The following RASA1 variants were observed in gnomAD, a reference collection of about 807,000 sequenced individuals.
RASA1 encodes RAS p21 protein activator 1, also known as ras GTPase-activating protein 1.
Under a neutral mutation model 132.2 loss-of-function variants are expected in RASA1, and 25 were observed. The ratio of observed to expected loss-of-function variants is 0.19; its 90% CI spans 0.14 to 0.26. The LOEUF is 0.26. Ranked by LOEUF, RASA1 falls within the 10% of genes least tolerant of loss-of-function variation. The pLI is 1.00. For synonymous variants in RASA1, 477 were observed against 449.9 expected (o/e 1.06, Z -0.76); for missense variants, 964 against 1,299.2 (o/e 0.74, Z 3.97).
chr5:87,293,413 A>G lies in RASA1; in HGVS notation c.539+24423A>G, dbSNP rs544492117. 4.6e-5 allele frequency among the ~76,000 whole-genome samples: 7 copies of G among 152,272 alleles called. No individual in the cohort carries two copies. In the South Asian group the frequency reaches 1.5e-3, roughly 32 times the overall value. On this transcript the variant is annotated intron_variant, in intron 1 of 24. Coordinates refer to ENST00000274376, the MANE Select transcript of RASA1 (RefSeq NM_002890.3). ...GACGTGATTGATTACATTGATTTTT[A>G]AAAATGTTGAGCCAGTCTTGGTAAA... is the stretch of plus-strand genomic sequence containing the variant.
intron 1 of RASA1, among the ~76,000 whole-genome samples, chr5:87,298,016 A>G (rs1323659027): frequency 1.5e-4 from 23 of 151,982 alleles, no homozygotes; most frequent in Admixed American, 1.5e-3. Flanking sequence ...CTGTGACCTC[A>G]CTTCTCTGAA....
intron 1 of RASA1, among the ~76,000 whole-genome samples, chr5:87,284,581 T>C (rs1754461313): frequency 6.6e-6 from 1 of 152,250 alleles, no homozygotes; most frequent in Non-Finnish European, 1.5e-5. Context: ...GACACTGCAA[T>C]GCTTTATTGC....
chr5:87,315,824 C>G (rs1447681644), intron 1 of RASA1, among the ~76,000 whole-genome samples: 1 of 152,034 alleles, frequency 6.6e-6, no homozygotes, highest in Non-Finnish European at 1.5e-5. Context: ...TGTTTTACTT[C>G]AAAAACAATG....
intron 6 of RASA1, among the ~76,000 whole-genome samples, chr5:87,345,271 A>T (rs1364112316): frequency 6.6e-6 from 1 of 152,200 alleles, no homozygotes; most frequent in Non-Finnish European, 1.5e-5. Context: ...CTTTAGAAAG[A>T]GATATTGCCA....
At chr5:87,356,630 C>T (rs986374086) in intron 9 of RASA1, among the ~76,000 whole-genome samples, 18 of 152,142 alleles carry the variant, frequency 1.2e-4, no homozygotes, top group Non-Finnish European at 2.2e-4. Flanking sequence ...GCCTTGGTCT[C>T]CCAAAATGCT....
chr5:87,385,308 A>T lies in RASA1; in HGVS notation c.2766A>T (p.Pro922=), dbSNP rs137898246. 4.1e-5 allele frequency: 66 copies of T among 1,605,638 alleles called. No individual in the cohort carries two copies. In the African/African-American group the frequency reaches 8.3e-4, roughly 20 times the overall value. ...PRMFNIISDS[P]SPIAARTLIL... ...TGCCCAATTCTGTTACAGATTCTCC[A>T]TCTCCTATTGCTGCAAGAACACTGA... The change falls in exon 22 of 25, where the codon CCA becomes CCT. Residue 922 remains proline, a synonymous_variant. Transcript: ENST00000274376.
rs553621613 is a variant in RASA1 at position 87,270,131 on chromosome 5, A to G, written c.539+1141A>G. ...GTGGCACGCGCCTATAATCCTAGCT[A>G]CTTGGGAGGCTGAGGCAGAAGAATC... On this transcript the variant is annotated intron_variant, in intron 1 of 24. Coordinates refer to ENST00000274376, the MANE Select transcript of RASA1 (RefSeq NM_002890.3). 3.3e-5 allele frequency among the ~76,000 whole-genome samples: 5 copies of G among 150,862 alleles called. No homozygotes were observed. In the South Asian group the frequency reaches 1.1e-3, roughly 32 times the overall value.
At position 87,270,647 on chromosome 5, in the gene RASA1, T is replaced by C. The variant is rs1030209970; in HGVS notation, c.539+1657T>C. The stretch of plus-strand genomic sequence containing the variant: ...CAGCCGTAAGCCACGGTGCCCGGCC[T>C]TTTTTTTTTTTTTTTTTTTTTTTTT... On this transcript the variant is annotated intron_variant, in intron 1 of 24. Coordinates refer to ENST00000274376, the MANE Select transcript of RASA1 (RefSeq NM_002890.3). Among the ~76,000 whole-genome samples, 5 of 12,568 alleles carry C rather than the reference T, an allele frequency of 4.0e-4. No homozygotes were observed. In the East Asian group the frequency reaches 0.012, roughly 31 times the overall value. 8.2% of individuals were successfully genotyped at this position (12,568 alleles called of 152,430 possible). A position where few individuals can be genotyped will look rare whatever the true frequency, so the allele number is the denominator to read the frequency against.
intron 11 of RASA1, among the ~76,000 whole-genome samples, chr5:87,367,364 T>C (rs1650246035): frequency 6.6e-6 from 1 of 152,240 alleles, no homozygotes; most frequent in Admixed American, 6.5e-5. Context: ...TTTCCTGCTT[T>C]GTGTACACAT....
intron 1 of RASA1, among the ~76,000 whole-genome samples, chr5:87,313,893 C>T (rs1421059952): frequency 2.0e-5 from 3 of 152,116 alleles, no homozygotes; most frequent in African/African-American, 4.8e-5. Flanking sequence ...TTGGGCCGGG[C>T]GTGGTGGCTC....
intron 1 of RASA1, chr5:87,269,341 A>G (rs1361751245): frequency 7.9e-6 from 12 of 1,522,834 alleles, no homozygotes; most frequent in Non-Finnish European, 1.1e-5. Flanking sequence ...CATAGTGTAT[A>G]TTAACTTGTG....
At chr5:87,285,167 A>T (rs1236883729) in intron 1 of RASA1, among the ~76,000 whole-genome samples, 1 of 151,684 alleles carries the variant, frequency 6.6e-6, no homozygotes, top group Non-Finnish European at 1.5e-5. Flanking sequence ...TCCCGGGTTC[A>T]AGCGATTCTT....
chr5:87,383,845 G>A lies in RASA1; in HGVS notation c.2758+65G>A, dbSNP rs541146400. On this transcript the variant is annotated intron_variant, in intron 21 of 24. Transcript: ENST00000274376. ...GAATTAACAGTTTCATACTATTTAA[G>A]AATACTCTTAAATCTTTTTTTTTTT... 1.5e-4 allele frequency: 185 copies of A among 1,256,236 alleles called. No individual in the cohort carries two copies. The African/African-American group carries it at 2.3e-3, about 16-fold the overall frequency. The allele number at this position is 1,256,236 out of a possible 1,614,324, so 77.8% of individuals were successfully genotyped here. A position where few individuals can be genotyped will look rare whatever the true frequency, so the allele number is the denominator to read the frequency against.
chr5:87,349,000 G>A (rs2112420783), intron 7 of RASA1, among the ~76,000 whole-genome samples: 1 of 151,644 alleles, frequency 6.6e-6, no homozygotes, highest in South Asian at 2.1e-4. Context: ...ATTAAAGCTG[G>A]TAAGATACAC....
chr5:87,282,292 G>T (rs143726082), intron 1 of RASA1, among the ~76,000 whole-genome samples: 14 of 152,202 alleles, frequency 9.2e-5, no homozygotes, highest in African/African-American at 3.1e-4. Flanking sequence ...GCCTGTAAAT[G>T]TCATTATTTC....
chr5:87,286,024 A>G (rs757561070), intron 1 of RASA1, among the ~76,000 whole-genome samples: 1 of 151,200 alleles, frequency 6.6e-6, no homozygotes, highest in African/African-American at 2.4e-5. Context: ...TTATTTTGTG[A>G]TGGAGTTTCG....
intron 1 of RASA1, among the ~76,000 whole-genome samples, chr5:87,325,204 C>T (rs145577516): frequency 1.3e-5 from 2 of 152,086 alleles, no homozygotes; most frequent in Non-Finnish European, 2.9e-5. Flanking sequence ...CATTAGATCT[C>T]GTGAGAACTC....
chr5:87,324,079 A>C (rs1355911516), intron 1 of RASA1, among the ~76,000 whole-genome samples: 1 of 152,184 alleles, frequency 6.6e-6, no homozygotes, highest in Non-Finnish European at 1.5e-5. Context: ...TGTTAGACTA[A>C]AGTTTACTTT....
intron 1 of RASA1, among the ~76,000 whole-genome samples, chr5:87,322,790 T>C (rs1357883047): frequency 5.9e-5 from 9 of 152,180 alleles, no homozygotes; most frequent in Non-Finnish European, 4.4e-5. Flanking sequence ...TTTAAAAATA[T>C]AGATATATAA....
Sources: allele counts gnomAD v4.1 joint callset (sites outside exome capture counted in the v4.1 genomes callset), GRCh38; gene constraint gnomAD v4.1.1; transcripts MANE v1.5; gene names NCBI Gene and HGNC (gene_info 2026-07-23, HGNC 2026-07-21).